The following PCDHGA8 variants were observed in gnomAD, a reference collection of about 807,000 sequenced individuals.
PCDHGA8 encodes protocadherin gamma subfamily A, 8.
A neutral mutation model predicts 59.2 loss-of-function variants in PCDHGA8; 45 were observed. That is an observed-to-expected ratio of 0.76 (90% CI 0.60 to 0.98). PCDHGA8 has a LOEUF of 0.98. Among genes scored for constraint, PCDHGA8 ranks in the 50% least tolerant of loss-of-function variants. The pLI is 0.00. For synonymous variants in PCDHGA8, 531 were observed against 519.0 expected (o/e 1.02, Z -0.32); for missense variants, 1,257 against 1,196.2 (o/e 1.05, Z -0.75).
intron 1 of PCDHGA8, chr5:141,405,119 C>A: frequency 1.2e-6 from 2 of 1,614,024 alleles, no homozygotes; most frequent in South Asian, 1.1e-5. Context: ...GCACTCCTCG[C>A]ATCTGCTGCG....
At chr5:141,421,999 T>C in intron 1 of PCDHGA8, 1 of 1,609,214 alleles carries the variant, frequency 6.2e-7, no homozygotes, top group Non-Finnish European at 8.5e-7. Context: ...AAACATCAGC[T>C]CCGGAACTCG....
intron 2 of PCDHGA8, among the ~76,000 whole-genome samples, chr5:141,496,744 T>C (rs1383447795): frequency 6.6e-6 from 1 of 152,170 alleles, no homozygotes; most frequent in Non-Finnish European, 1.5e-5. Context: ...GTTCATTTAT[T>C]CAACAAATAT....
rs1220353816 is a variant in PCDHGA8, at chr5:141,396,426, C to T, written c.2424+1189C>T. Reference sequence around the variant, plus strand: ...CTGAGGTCAGGAGTTCAAGATCAGCCTGGCAAACATGGTGAAACCCCGTCT... The same window carrying T: ...CTGAGGTCAGGAGTTCAAGATCAGCTTGGCAAACATGGTGAAACCCCGTCT... On this transcript the variant is annotated intron_variant, in intron 1 of 3. Coordinates refer to ENST00000398604, the MANE Select transcript of PCDHGA8 (RefSeq NM_032088.2). The T allele has an allele frequency of 5.9e-5, 9 of 152,308 alleles. 1 individual carries two copies. The highest frequency in any genetic ancestry group is 2.2e-4 in the African/African-American group (9 of 41,552). 9.4% of individuals were successfully genotyped at this position (152,308 alleles called of 1,614,324 possible). A position where few individuals can be genotyped will look rare whatever the true frequency, so the allele number is the denominator to read the frequency against.
intron 1 of PCDHGA8, chr5:141,403,960 G>T (rs775638627): frequency 1.9e-6 from 3 of 1,613,776 alleles, no homozygotes; most frequent in South Asian, 2.2e-5. Context: ...TGCTCATTTC[G>T]GTGGAAGATG....
intron 1 of PCDHGA8, chr5:141,413,019 C>T (rs1056458163): frequency 2.9e-6 from 2 of 683,106 alleles, no homozygotes; most frequent in Non-Finnish European, 4.7e-6. Flanking sequence ...ACTACACAAG[C>T]CCCACAAACC....
chr5:141,419,616 AC>A, intron 1 of PCDHGA8: 1 of 1,612,204 alleles, frequency 6.2e-7, no homozygotes, highest in Non-Finnish European at 8.5e-7. Flanking sequence ...CAGCCAGGCT[AC>A]CTGGTGACCA....
Position 141,394,128 on chromosome 5 carries a change from G to T in PCDHGA8, c.1315G>T (p.Ala439Ser). Residue 439 changes from alanine to serine, a missense_variant, in exon 1 of 4, where the codon GCT becomes TCT. Physicochemically the swap from Ala to Ser is moderately conservative, Grantham distance 99. Coordinates refer to ENST00000398604, the MANE Select transcript of PCDHGA8 (RefSeq NM_032088.2). ...TPPLSTETQI[A>S]LHVADINDNP... ...ACCTCTGTCCACTGAAACTCAAATCGCTCTGCACGTGGCAGACATTAACGA... is the reference window on the plus strand; with the variant it reads ...ACCTCTGTCCACTGAAACTCAAATCTCTCTGCACGTGGCAGACATTAACGA... 6.2e-6 allele frequency: 10 copies of T among 1,613,730 alleles called. No individual in the cohort carries two copies. The highest frequency in any genetic ancestry group is 5.9e-6 in the Non-Finnish European group (7 of 1,179,826).
chr5:141,397,372 G>A (rs1014875277), intron 1 of PCDHGA8, among the ~76,000 whole-genome samples: 3 of 152,012 alleles, frequency 2.0e-5, no homozygotes, highest in Admixed American at 6.6e-5. Context: ...AGATGTTTGG[G>A]GATTGGTATA....
chr5:141,465,997 C>T (rs1344380021), intron 1 of PCDHGA8, among the ~76,000 whole-genome samples: 1 of 151,918 alleles, frequency 6.6e-6, no homozygotes, highest in Non-Finnish European at 1.5e-5. Context: ...TGGCAGGCAC[C>T]TGTAGTCCCA....
chr5:141,503,307 G>T (rs1042228003), intron 2 of PCDHGA8, among the ~76,000 whole-genome samples: 5 of 152,096 alleles, frequency 3.3e-5, no homozygotes, highest in African/African-American at 1.2e-4. Context: ...GCTCAAGAAA[G>T]AATTGTTGGA....
rs759346998 is a variant in PCDHGA8 at position 141,410,849 on chromosome 5, C to CTTTTTTTTTT, written c.2424+15625_2424+15634dup. ...CAGACTGAAGATATTTTGTCTTTGT[C>CTTTTTTTTTT]TTTTTTTTTTTTTTTTTTTTTTGAG... On this transcript the variant is annotated intron_variant, in intron 1 of 3. Coordinates refer to ENST00000398604, the MANE Select transcript of PCDHGA8 (RefSeq NM_032088.2). 91 of 138,162 alleles carry CTTTTTTTTTT rather than the reference C, an allele frequency of 6.6e-4. 6 individuals are homozygous for CTTTTTTTTTT. The highest frequency in any genetic ancestry group is 2.3e-3 in the African/African-American group (38 of 16,624). The allele number at this position is 138,162 out of a possible 1,614,324, so 8.6% of individuals were successfully genotyped here. A position where few individuals can be genotyped will look rare whatever the true frequency, so the allele number is the denominator to read the frequency against.
rs934044974 is a variant in PCDHGA8, at chr5:141,476,034, C to T, written c.2425-18773C>T. 3 of 1,464,488 alleles carry T rather than the reference C, an allele frequency of 2.0e-6. No individual in the cohort carries two copies. The highest frequency in any genetic ancestry group is 2.3e-5 in the Admixed American group (1 of 44,364). The allele number at this position is 1,464,488 out of a possible 1,614,324, so 90.7% of individuals were successfully genotyped here. A position where few individuals can be genotyped will look rare whatever the true frequency, so the allele number is the denominator to read the frequency against. On this transcript the variant is annotated intron_variant, in intron 1 of 3. Transcript: ENST00000398604. The surrounding 1 kb of genome is among the most constrained non-coding windows in gnomAD (Gnocchi z 7.6). ...CCATGTCGGACTCGGCGCCCAGCGC[C>T]CAAGCGCTAACCCGCTGAAAGTTTC...
chr5:141,438,733 C>T (rs2098057443), intron 1 of PCDHGA8, among the ~76,000 whole-genome samples: 1 of 149,042 alleles, frequency 6.7e-6, no homozygotes, highest in Non-Finnish European at 1.5e-5. Context: ...GTGATCTCAG[C>T]TCACTGCAAC....
rs1321974739 is a variant in PCDHGA8, at chr5:141,432,755, G to A, written c.2424+37518G>A. The A allele has an allele frequency of 2.5e-6, 4 of 1,614,134 alleles. No individual in the cohort carries two copies. Among genetic ancestry groups the A allele is most frequent in the African/African-American group, 1.3e-5 (1 of 75,060 alleles). On this transcript the variant is annotated intron_variant, in intron 1 of 3. Coordinates refer to ENST00000398604, the MANE Select transcript of PCDHGA8 (RefSeq NM_032088.2). This position sits in a 1 kb window ranked among gnomAD's most constrained non-coding sequence, Gnocchi z 6.0. ...TGTCACGCTCACCGTGGCCGTGGCC[G>A]ACAGCATCCCCCAAGTCCTGGCGGA...
At chr5:141,435,346 G>A (rs2097758346) in intron 1 of PCDHGA8, among the ~76,000 whole-genome samples, 1 of 152,012 alleles carries the variant, frequency 6.6e-6, no homozygotes, top group South Asian at 2.1e-4. Flanking sequence ...TATTTCTTCT[G>A]CATTTAAAAT....
chr5:141,509,645 G>C (rs138497208), intron 3 of PCDHGA8, among the ~76,000 whole-genome samples: 8 of 152,338 alleles, frequency 5.3e-5, no homozygotes, highest in African/African-American at 1.9e-4. Context: ...GCCAGGGCCA[G>C]AGTGTGGACT....
Position 141,485,616 on chromosome 5 carries a change from C to T in PCDHGA8, c.2425-9191C>T. On this transcript the variant is annotated intron_variant, in intron 1 of 3. Coordinates refer to ENST00000398604, the MANE Select transcript of PCDHGA8 (RefSeq NM_032088.2). This position sits in a 1 kb window ranked among gnomAD's most constrained non-coding sequence, Gnocchi z 5.7. ...TTGGAAATTGGGGAGGCAGCTCCTCCAGGACAGCGTTTCCCGTTGGAAAAG... is the reference window on the plus strand; with the variant it reads ...TTGGAAATTGGGGAGGCAGCTCCTCTAGGACAGCGTTTCCCGTTGGAAAAG... 1 of 1,612,210 alleles carries T rather than the reference C, an allele frequency of 6.2e-7. No individual in the cohort carries two copies.
Position 141,422,522 on chromosome 5 carries a change from C to T in PCDHGA8, c.2424+27285C>T, listed in dbSNP as rs767482856. On this transcript the variant is annotated intron_variant, in intron 1 of 3. Coordinates refer to ENST00000398604, the MANE Select transcript of PCDHGA8 (RefSeq NM_032088.2). Reference sequence around the variant, plus strand: ...ACAGCCACAGACCAGGGAAGCCCGCCTTTGTCTGCAGAAACTCATGTCTGG... The same window carrying T: ...ACAGCCACAGACCAGGGAAGCCCGCTTTTGTCTGCAGAAACTCATGTCTGG... 11 of 1,614,014 alleles carry T rather than the reference C, an allele frequency of 6.8e-6. No homozygotes were observed. In the South Asian group the frequency reaches 1.1e-4, roughly 16 times the overall value.
chr5:141,397,648 C>T (rs1045102412), intron 1 of PCDHGA8, among the ~76,000 whole-genome samples: 5 of 152,148 alleles, frequency 3.3e-5, no homozygotes, highest in African/African-American at 1.2e-4. Context: ...GGTATGTTTG[C>T]AGAATGGTGA....
Sources: allele counts gnomAD v4.1 joint callset (sites outside exome capture counted in the v4.1 genomes callset), GRCh38; gene constraint gnomAD v4.1.1; non-coding constraint Gnocchi (gnomAD v3.1); transcripts MANE v1.5; gene names NCBI Gene and HGNC (gene_info 2026-07-23, HGNC 2026-07-21).